The following ATP8A1 variants were observed in gnomAD, a reference collection of about 807,000 sequenced individuals.
ATP8A1 encodes the protein ATPase phospholipid transporting 8A1.
A neutral mutation model predicts 177.7 loss-of-function variants in ATP8A1; 90 were observed. That is an observed-to-expected ratio of 0.51 (90% CI 0.43 to 0.60). The LOEUF is 0.60. Among genes scored for constraint, ATP8A1 ranks in the 20% least tolerant of loss-of-function variants. The pLI is 0.00. For synonymous variants in ATP8A1, 493 were observed against 485.9 expected (o/e 1.01, Z -0.19); for missense variants, 1,072 against 1,392.8 (o/e 0.77, Z 3.67).
intron 32 of ATP8A1, 80 bp downstream of exon 32, chr4:42,444,498 G>T: frequency 7.4e-7 from 1 of 1,354,024 alleles, no homozygotes; most frequent in Non-Finnish European, 1.0e-6. Flanking sequence ...TATCAAGTTA[G>T]AGTGAAGACC....
At chr4:42,653,603 C>T (rs1212906866) in intron 1 of ATP8A1, among the ~76,000 whole-genome samples, 1 of 152,240 alleles carries the variant, frequency 6.6e-6, no homozygotes, top group African/African-American at 2.4e-5. Context: ...CCAGCCAACA[C>T]ACTTCCAGAC....
At chr4:42,431,801 T>C (rs1577918109) in intron 33 of ATP8A1, among the ~76,000 whole-genome samples, 1 of 152,188 alleles carries the variant, frequency 6.6e-6, no homozygotes, top group African/African-American at 2.4e-5. Context: ...CTATCTGCCA[T>C]GGTCTGAGGT....
chr4:42,580,011 T>A, intron 10 of ATP8A1, 33 bp from the exon 11 acceptor site: 1 of 1,513,060 alleles, frequency 6.6e-7, no homozygotes, highest in Non-Finnish European at 9.0e-7. Flanking sequence ...TAATAAAAAA[T>A]GTACACCAAT....
intron 1 of ATP8A1, among the ~76,000 whole-genome samples, chr4:42,629,957 C>T (rs887323870): frequency 6.6e-6 from 1 of 152,222 alleles, no homozygotes; most frequent in Non-Finnish European, 1.5e-5. Context: ...GATTAATGAA[C>T]CAACACTTTG....
At chr4:42,488,181 C>T (rs1453119734) in intron 24 of ATP8A1, among the ~76,000 whole-genome samples, 1 of 152,118 alleles carries the variant, frequency 6.6e-6, no homozygotes, top group African/African-American at 2.4e-5. Context: ...ATATTTAGCA[C>T]ATACTACACA....
chr4:42,455,595 C>G lies in ATP8A1; in HGVS notation c.2624G>C (p.Trp875Ser). 6.2e-7 allele frequency: 1 copy of G among 1,612,562 alleles called. No homozygotes were observed. ...KNIVLYIIEI[W>S]FAFVNGFSGQ... ...AGAAAAGCCATTAACAAAGGCAAAC[C>G]AGATCTAGGAAAAAAAACCCAAAAC... is the stretch of plus-strand genomic sequence containing the variant. Residue 875 changes from tryptophan to serine, a missense_variant, in exon 28 of 37, where the codon TGG becomes TCG. Trp to Ser is a radical substitution (Grantham distance 177). Around this residue, in one of 5 missense-constraint regions of ATP8A1, gnomAD observed 316 missense variants for 459.1 expected, o/e 0.69. Coordinates refer to ENST00000381668, the MANE Select transcript of ATP8A1 (RefSeq NM_006095.2).
intron 14 of ATP8A1, among the ~76,000 whole-genome samples, chr4:42,574,140 GT>G (rs1471320324): frequency 1.3e-5 from 2 of 152,018 alleles, no homozygotes; most frequent in Non-Finnish European, 2.9e-5. Flanking sequence ...AGATTCAAGA[GT>G]TTCATGTCTC....
At chr4:42,461,187 CAA>C (rs1197930447) in intron 27 of ATP8A1, among the ~76,000 whole-genome samples, 1 of 148,456 alleles carries the variant, frequency 6.7e-6, no homozygotes, top group Non-Finnish European at 1.5e-5. Flanking sequence ...TTACAGGTGA[CAA>C]TGATAATCTT....
intron 32 of ATP8A1, among the ~76,000 whole-genome samples, chr4:42,444,286 C>G (rs756302417): frequency 2.0e-5 from 3 of 152,104 alleles, no homozygotes; most frequent in Non-Finnish European, 4.4e-5. Context: ...ACTTGTAATC[C>G]GTAAGTTTAA....
intron 9 of ATP8A1, among the ~76,000 whole-genome samples, chr4:42,584,795 T>C (rs1399278376): frequency 6.6e-6 from 1 of 152,204 alleles, no homozygotes; most frequent in Non-Finnish European, 1.5e-5. Context: ...ACTTCAGATA[T>C]ATATTCAACA....
At chr4:42,506,928 A>G in intron 23 of ATP8A1, 88 bp downstream of exon 23, 2 of 1,431,674 alleles carry the variant, frequency 1.4e-6, no homozygotes, top group South Asian at 2.6e-5. Flanking sequence ...CAAATCTTTT[A>G]GATCTTGAAA....
intron 27 of ATP8A1, among the ~76,000 whole-genome samples, chr4:42,461,258 TTTTTGC>T (rs1270187917): frequency 2.9e-4 from 44 of 151,194 alleles, no homozygotes; most frequent in African/African-American, 9.4e-4. Context: ...CTTTTTTTTT[TTTTTGC>T]TTTTTGCTAA....
intron 33 of ATP8A1, among the ~76,000 whole-genome samples, chr4:42,435,119 T>C (rs1477024638): frequency 6.6e-6 from 1 of 152,140 alleles, no homozygotes. Flanking sequence ...TACCATATGA[T>C]GGAATGCAAG....
intron 29 of ATP8A1, among the ~76,000 whole-genome samples, chr4:42,452,473 A>G (rs988375469): frequency 1.3e-5 from 2 of 152,210 alleles, no homozygotes; most frequent in South Asian, 2.1e-4. Flanking sequence ...AAGCTTTCCA[A>G]TGCTAAAGAT....
At chr4:42,480,408 T>C (rs1721556656) in intron 25 of ATP8A1, among the ~76,000 whole-genome samples, 1 of 152,236 alleles carries the variant, frequency 6.6e-6, no homozygotes, top group South Asian at 2.1e-4. Flanking sequence ...CATTTATTCA[T>C]ATTTTCTTGG....
intron 1 of ATP8A1, among the ~76,000 whole-genome samples, chr4:42,643,930 C>G (rs1040180480): frequency 3.9e-5 from 6 of 152,114 alleles, no homozygotes; most frequent in Non-Finnish European, 8.8e-5. Flanking sequence ...AGGGCATTAG[C>G]TTAGGATGTT....
chr4:42,507,082 G>C lies in ATP8A1; in HGVS notation c.2020C>G (p.Leu674Val), dbSNP rs1332672729. Residue 674 changes from leucine to valine, a missense_variant, in exon 23 of 37, where the codon CTA becomes GTA. Leu to Val is a conservative substitution (Grantham distance 32). Around this residue, in one of 5 missense-constraint regions of ATP8A1, gnomAD observed 388 missense variants for 471.7 expected, o/e 0.82. Coordinates refer to ENST00000381668, the MANE Select transcript of ATP8A1 (RefSeq NM_006095.2). Reference protein sequence around the residue: ...QDQVPETIETLMKADIKIWIL... With the variant: ...QDQVPETIETVMKADIKIWIL... ...CAGATTTTGATGTCTGCTTTCATTA[G>C]CGTTTCTATGGTTTCAGGCACTTGA... The C allele has an allele frequency of 6.2e-7, 1 of 1,613,990 alleles. No homozygotes were observed. The highest frequency in any genetic ancestry group is 8.5e-7 in the Non-Finnish European group (1 of 1,179,924).
At chr4:42,499,512 A>T (rs1439591827) in intron 24 of ATP8A1, among the ~76,000 whole-genome samples, 1 of 152,178 alleles carries the variant, frequency 6.6e-6, no homozygotes, top group Non-Finnish European at 1.5e-5. Context: ...ACCTCTAAAA[A>T]ATCTGTTTAA....
At chr4:42,575,971 C>T (rs563423042) in intron 12 of ATP8A1, among the ~76,000 whole-genome samples, 1 of 152,266 alleles carries the variant, frequency 6.6e-6, no homozygotes, top group Non-Finnish European at 1.5e-5. Flanking sequence ...TATCATTCCA[C>T]CATTTTCTAT....
Sources: gnomAD v4.1 joint callset for allele counts (sites outside exome capture counted in the v4.1 genomes callset) on GRCh38, gnomAD v4.1.1 for gene constraint, gnomAD v4.1.1 regional missense constraint, MANE v1.5 for transcripts, NCBI Gene and HGNC (gene_info 2026-07-23, HGNC 2026-07-21) for gene names.